Variants in DYNC2H1 observed in about 807,000 individuals in gnomAD.
DYNC2H1 encodes the protein dynein cytoplasmic 2 heavy chain 1, also known as cytoplasmic dynein 2 heavy chain 1.
Under a neutral mutation model 570.0 loss-of-function variants are expected in DYNC2H1, and 410 were observed. The observed-to-expected ratio is 0.72, with a 90% CI of 0.66 to 0.78. The LOEUF (loss-of-function observed/expected upper bound fraction) is 0.78. Ranked by LOEUF, DYNC2H1 falls within the 30% of genes least tolerant of loss-of-function variation. The pLI is 0.00. For synonymous variants in DYNC2H1, 1,688 were observed against 1,677.6 expected, an observed-to-expected ratio of 1.01 and a Z score of -0.15; for missense variants, 4,865 against 5,046.4, an observed-to-expected ratio of 0.96 and a Z score of 1.09.
At chr11:103,477,265 T>C (rs1945580873) in intron 88 of DYNC2H1, among the ~76,000 whole-genome samples, 1 of 152,232 alleles carries the variant, frequency 6.6e-6, no homozygotes, top group Non-Finnish European at 1.5e-5. Context: ...GTAGTATCTG[T>C]GACAACTTTG....
chr11:103,308,648 C>G (rs574238666), intron 78 of DYNC2H1, among the ~76,000 whole-genome samples: 40 of 152,114 alleles, frequency 2.6e-4, no homozygotes, highest in Non-Finnish European at 5.0e-4. Context: ...TCCTCACCAA[C>G]ACTTTTCTTT....
At chr11:103,438,355 G>C (rs1363665793) in intron 85 of DYNC2H1, among the ~76,000 whole-genome samples, 1 of 152,072 alleles carries the variant, frequency 6.6e-6, no homozygotes, top group Non-Finnish European at 1.5e-5. Context: ...CATATCCAGA[G>C]CAGCTTGTGA....
chr11:103,407,081 CA>C (rs1209720517), intron 84 of DYNC2H1: 1 of 151,440 alleles, frequency 6.6e-6, no homozygotes, highest in Non-Finnish European at 1.5e-5. Context: ...GCTGCTTCTC[CA>C]GGGCCGGGAT....
At position 103,390,155 on chromosome 11, in the gene DYNC2H1, G is replaced by A. The variant is rs1279195910; in HGVS notation, c.12157-9508G>A. On this transcript the variant is annotated intron_variant, in intron 83 of 88. Coordinates refer to ENST00000375735, the MANE Select transcript of DYNC2H1 (RefSeq NM_001377.3). Reference sequence around the variant, plus strand: ...CTAAGTCTCTTTGTAGGTCTCTAAGGACTTCCTTTATGAATCTGGGTGCTG... The same window carrying A: ...CTAAGTCTCTTTGTAGGTCTCTAAGAACTTCCTTTATGAATCTGGGTGCTG... 2.6e-5 allele frequency among the ~76,000 whole-genome samples: 4 copies of A among 152,070 alleles called. No individual in the cohort carries two copies. The East Asian group carries it at 7.7e-4, about 29-fold the overall frequency.
intron 83 of DYNC2H1, among the ~76,000 whole-genome samples, chr11:103,393,848 C>T (rs1280335437): frequency 6.6e-6 from 1 of 152,146 alleles, no homozygotes; most frequent in Non-Finnish European, 1.5e-5. Flanking sequence ...TATGTGGATG[C>T]GGGCAGGCAA....
At chr11:103,197,382 A>G (rs1374127962) in intron 47 of DYNC2H1, among the ~76,000 whole-genome samples, 1 of 152,136 alleles carries the variant, frequency 6.6e-6, no homozygotes, top group Non-Finnish European at 1.5e-5. Flanking sequence ...AATATAGACT[A>G]GTGGTGCCAT....
At chr11:103,466,425 T>A (rs918044440) in intron 87 of DYNC2H1, among the ~76,000 whole-genome samples, 1 of 152,110 alleles carries the variant, frequency 6.6e-6, no homozygotes, top group Admixed American at 6.5e-5. Flanking sequence ...ATAAATTTGC[T>A]ACCCTGAAAT....
chr11:103,267,676 G>T (rs1427937975), intron 70 of DYNC2H1, among the ~76,000 whole-genome samples: 1 of 151,748 alleles, frequency 6.6e-6, no homozygotes, highest in African/African-American at 2.4e-5. Context: ...CAAGCTTAAT[G>T]GAACTATATA....
intron 84 of DYNC2H1, among the ~76,000 whole-genome samples, chr11:103,427,408 G>A (rs2514419): frequency 0.56 from 84,423 of 151,946 alleles, 24,085 homozygotes; most frequent in East Asian, 0.72. Context: ...ACTTACCTTC[G>A]TCTTTCCCAG....
At chr11:103,365,554 A>T (rs1940866937) in intron 83 of DYNC2H1, among the ~76,000 whole-genome samples, 1 of 152,188 alleles carries the variant, frequency 6.6e-6, no homozygotes, top group Non-Finnish European at 1.5e-5. Context: ...TTTTTTGATC[A>T]GATTGAAATA....
intron 66 of DYNC2H1, among the ~76,000 whole-genome samples, chr11:103,253,678 CTAATTT>C (rs1172155565): frequency 2.0e-5 from 3 of 152,022 alleles, no homozygotes; most frequent in African/African-American, 7.2e-5. Flanking sequence ...TAATATAACT[CTAATTT>C]TAAAGTTTAT....
At position 103,117,899 on chromosome 11, in the gene DYNC2H1, T is replaced by C. The variant is rs753327554; in HGVS notation, c.999+36T>C. 9.2e-6 allele frequency: 14 copies of C among 1,513,802 alleles called. No homozygotes were observed. The Admixed American group carries it at 2.0e-4, about 22-fold the overall frequency. 93.8% of individuals were successfully genotyped at this position (1,513,802 alleles called of 1,614,324 possible). On this transcript the variant is annotated intron_variant, in intron 6 of 88. Coordinates refer to ENST00000375735, the MANE Select transcript of DYNC2H1 (RefSeq NM_001377.3). ...GATTATCTAGATCTTTGTCTTTAAA[T>C]GTAAAGTGTATCTTCACTTGTTTGT...
At chr11:103,323,731 A>G (rs930706092) in intron 81 of DYNC2H1, among the ~76,000 whole-genome samples, 155 bp from the exon 82 acceptor site, 17 of 152,206 alleles carry the variant, frequency 1.1e-4, no homozygotes, top group Admixed American at 3.3e-4. Flanking sequence ...TACTTCCCAC[A>G]GATAACTGAG....
chr11:103,155,425 C>G lies in DYNC2H1; in HGVS notation c.3668C>G (p.Thr1223Ser). 6.2e-7 allele frequency: 1 copy of G among 1,612,194 alleles called. No homozygotes were observed. The highest frequency in any genetic ancestry group is 8.5e-7 in the Non-Finnish European group (1 of 1,179,092). Residue 1223 changes from threonine to serine, a missense_variant, in exon 25 of 89, where the codon ACT becomes AGT. Thr to Ser is a moderately conservative substitution (Grantham distance 58). Transcript: ENST00000375735. ...LFRLLGLPRG[T>S]SLEKLLFGDL... ...CGTCTCCTTGGACTTCCTAGGGGGA[C>G]TAGTCTAGAGAAACTACTGTTTGGT...
intron 84 of DYNC2H1, among the ~76,000 whole-genome samples, chr11:103,429,295 T>C (rs522405): frequency 0.26 from 39,034 of 151,740 alleles, 5,890 homozygotes; most frequent in East Asian, 0.43. Context: ...CTGAGGTTAG[T>C]TTTTCATAGA....
At chr11:103,432,072 T>C (rs2135743848) in intron 84 of DYNC2H1, among the ~76,000 whole-genome samples, 1 of 152,208 alleles carries the variant, frequency 6.6e-6, no homozygotes, top group South Asian at 2.1e-4. Flanking sequence ...ATGACCTTTT[T>C]TTGGTGGAAG....
Position 103,323,913 on chromosome 11 carries a change from C to T in DYNC2H1, c.11962C>T (p.Pro3988Ser), listed in dbSNP as rs748948657. 2 of 1,612,344 alleles carry T rather than the reference C, an allele frequency of 1.2e-6. No homozygotes were observed. Among genetic ancestry groups the T allele is most frequent in the East Asian group, 4.5e-5 (2 of 44,796 alleles). ...CTATCGTGCTGTCATTGAGAAAATT[C>T]CAGAGGACGACAAACCTAGTTTCTT... ...LDYRAVIEKI[P>S]EDDKPSFFGL... The change falls in exon 82 of 89, where the codon CCA becomes TCA. Residue 3988 changes from proline (P) to serine (S), a missense_variant. Around this residue, in one of 5 missense-constraint regions of DYNC2H1, gnomAD observed 2,401 missense variants for 2,454.6 expected, o/e 0.98. Transcript: ENST00000375735.
intron 18 of DYNC2H1, 128 bp downstream of exon 18, chr11:103,143,523 C>T: frequency 1.1e-6 from 1 of 925,898 alleles, no homozygotes; most frequent in Non-Finnish European, 1.5e-6. Flanking sequence ...ATTTATGACA[C>T]TTGAGTATCA....
Position 103,129,084 on chromosome 11 carries a change from A to G in DYNC2H1, c.1953+79A>G. On this transcript the variant is annotated intron_variant, in intron 13 of 88. Coordinates refer to ENST00000375735, the MANE Select transcript of DYNC2H1 (RefSeq NM_001377.3). This position sits in a 1 kb window ranked among gnomAD's most constrained non-coding sequence, Gnocchi z 4.1. ...TTCTTAATTTTCCGGTGTTCCCTTC[A>G]GCTTAATATATCAAATGATCTAGAT... The G allele has an allele frequency of 1.7e-6, 2 of 1,177,738 alleles. No homozygotes were observed. Among genetic ancestry groups the G allele is most frequent in the Non-Finnish European group, 2.4e-6 (2 of 833,618 alleles). The allele number at this position is 1,177,738 out of a possible 1,614,324, so 73.0% of individuals were successfully genotyped here.
Sources: allele counts gnomAD v4.1 joint callset (sites outside exome capture counted in the v4.1 genomes callset), GRCh38; gene constraint gnomAD v4.1.1; regional missense constraint gnomAD v4.1.1; non-coding constraint Gnocchi (gnomAD v3.1); transcripts MANE v1.5; gene names NCBI Gene and HGNC (gene_info 2026-07-23, HGNC 2026-07-21).